HHAT: variants seen among roughly 807,000 people sequenced by gnomAD.
HHAT encodes the protein hedgehog acyltransferase.
A neutral mutation model predicts 70.8 loss-of-function variants in HHAT; 47 were observed. The observed-to-expected ratio is 0.66, with a 90% CI of 0.53 to 0.85. The LOEUF (loss-of-function observed/expected upper bound fraction) is 0.85, where lower values mean the gene tolerates loss of function less well. Ranked by LOEUF, HHAT falls within the 40% of genes least tolerant of loss-of-function variation. The pLI is 0.00. For synonymous variants in HHAT, 228 were observed against 247.6 expected (o/e 0.92, Z 0.74); for missense variants, 609 against 604.8 (o/e 1.01, Z -0.07).
chr1:210,392,565 A>C (rs759134547), intron 4 of HHAT, among the ~76,000 whole-genome samples: 20 of 152,196 alleles, frequency 1.3e-4, no homozygotes, highest in Non-Finnish European at 2.8e-4. Flanking sequence ...ATAACTGACA[A>C]GTAACCTAAA....
intron 8 of HHAT, among the ~76,000 whole-genome samples, chr1:210,477,967 AT>A (rs2094331166): frequency 6.6e-6 from 1 of 152,188 alleles, no homozygotes; most frequent in Non-Finnish European, 1.5e-5. Context: ...GGTAGCAGTA[AT>A]TGTCATAGCA....
At chr1:210,585,602 C>T (rs1048949085) in intron 9 of HHAT, among the ~76,000 whole-genome samples, 6 of 152,042 alleles carry the variant, frequency 3.9e-5, no homozygotes, top group East Asian at 1.9e-4. Flanking sequence ...TATTTTTGGT[C>T]GAGACAGGGT....
chr1:210,547,700 A>C (rs180721538), intron 9 of HHAT, among the ~76,000 whole-genome samples: 16 of 152,326 alleles, frequency 1.1e-4, no homozygotes, highest in African/African-American at 3.6e-4. Flanking sequence ...TGAAAATCTC[A>C]TTTCTTCCAA....
intron 9 of HHAT, among the ~76,000 whole-genome samples, chr1:210,525,432 C>T (rs1399228795): frequency 6.6e-6 from 1 of 152,160 alleles, no homozygotes; most frequent in East Asian, 1.9e-4. Context: ...GAGTCCTTTG[C>T]TTATGTTCAC....
chr1:210,330,754 A>C lies in HHAT; in HGVS notation c.-44+1650A>C, dbSNP rs2147896613. On this transcript the variant is annotated intron_variant, in intron 1 of 11. Transcript: ENST00000261458. Reference sequence around the variant, plus strand: ...GGCACCAAGGACCGGTTTCATGGACAATAAGTTTTTCATGGACTGGGGGAA... The same window carrying C: ...GGCACCAAGGACCGGTTTCATGGACCATAAGTTTTTCATGGACTGGGGGAA... Among the ~76,000 whole-genome samples, 2 of 152,328 alleles carry C rather than the reference A, an allele frequency of 1.3e-5. 1 individual carries two copies. The highest frequency in any genetic ancestry group is 4.1e-4 in the South Asian group (2 of 4,824).
rs945371300 is a variant in HHAT, at chr1:210,486,810, A to G, written c.1007+22155A>G. Among the ~76,000 whole-genome samples, 9 of 152,130 alleles carry G rather than the reference A, an allele frequency of 5.9e-5. No individual in the cohort carries two copies. In the South Asian group the frequency reaches 8.3e-4, roughly 14 times the overall value. On this transcript the variant is annotated intron_variant, in intron 8 of 11. Coordinates refer to ENST00000261458, the MANE Select transcript of HHAT (RefSeq NM_018194.6). ...AATCAAGCCTCTTGATTATCTTCCT[A>G]TTGGCTTGAGCAATGGGCAGGTAAG...
At chr1:210,556,200 C>T (rs566388935) in intron 9 of HHAT, among the ~76,000 whole-genome samples, 2 of 152,092 alleles carry the variant, frequency 1.3e-5, no homozygotes, top group African/African-American at 2.4e-5. Context: ...TTCCAGCCTC[C>T]TCCCATATTG....
intron 9 of HHAT, among the ~76,000 whole-genome samples, chr1:210,566,010 A>C (rs1654642074): frequency 6.6e-6 from 1 of 152,148 alleles, no homozygotes; most frequent in South Asian, 2.1e-4. Flanking sequence ...TCGTGCTGTC[A>C]TCAGGAGTTT....
intron 10 of HHAT, among the ~76,000 whole-genome samples, chr1:210,608,554 G>C (rs538975805): frequency 3.6e-4 from 55 of 152,158 alleles, no homozygotes; most frequent in African/African-American, 1.3e-3. Flanking sequence ...TGACTCTTCT[G>C]TCTGAATCTT....
chr1:210,404,732 T>A (rs990139995), intron 6 of HHAT, 53 bp downstream of exon 6: 8 of 1,453,960 alleles, frequency 5.5e-6, no homozygotes, highest in Non-Finnish European at 7.7e-6. Context: ...CCTTTGTCGC[T>A]GTTGCTCTGG....
rs564859411 is a variant in HHAT, at chr1:210,533,253, C to T, written c.1043+20065C>T. Among the ~76,000 whole-genome samples, 7 of 151,654 alleles carry T rather than the reference C, an allele frequency of 4.6e-5. 1 individual carries two copies. The South Asian group carries it at 1.5e-3, about 32-fold the overall frequency. On this transcript the variant is annotated intron_variant, in intron 9 of 11. Coordinates refer to ENST00000261458, the MANE Select transcript of HHAT (RefSeq NM_018194.6). The stretch of plus-strand genomic sequence containing the variant: ...GGTGAATGGCACAGAAAAGCTGGCT[C>T]GTTTGTTGGTAGCTCTGCTGTTTTA...
At chr1:210,650,592 T>C (rs1018859525) in intron 11 of HHAT, among the ~76,000 whole-genome samples, 3 of 152,246 alleles carry the variant, frequency 2.0e-5, no homozygotes, top group Non-Finnish European at 4.4e-5. Context: ...TGTTTGCAGC[T>C]TTGGAATTTA....
At chr1:210,491,754 G>C (rs1300875220) in intron 8 of HHAT, among the ~76,000 whole-genome samples, 1 of 151,958 alleles carries the variant, frequency 6.6e-6, no homozygotes, top group Non-Finnish European at 1.5e-5. Context: ...TTCTTTGTCT[G>C]TATTTAGCTT....
intron 11 of HHAT, among the ~76,000 whole-genome samples, chr1:210,628,130 G>A (rs1259340369): frequency 6.6e-6 from 1 of 152,132 alleles, no homozygotes; most frequent in Non-Finnish European, 1.5e-5. Context: ...TGTGACCTAA[G>A]CATCTTGGCA....
chr1:210,412,520 G>A (rs2092592862), intron 6 of HHAT, among the ~76,000 whole-genome samples: 1 of 152,168 alleles, frequency 6.6e-6, no homozygotes, highest in Non-Finnish European at 1.5e-5. Flanking sequence ...GCATAGGATG[G>A]ACACTCCAAT....
chr1:210,459,968 G>T (rs771213652), intron 7 of HHAT, among the ~76,000 whole-genome samples: 2 of 152,168 alleles, frequency 1.3e-5, no homozygotes, highest in Non-Finnish European at 2.9e-5. Context: ...TGTCCAAGAG[G>T]TTTTCTCACA....
intron 1 of HHAT, 26 bp from the exon 2 acceptor site, chr1:210,348,907 C>T: frequency 6.3e-7 from 1 of 1,592,306 alleles, no homozygotes; most frequent in Admixed American, 1.8e-5. Flanking sequence ...ATGTTCATGG[C>T]TTAAAGTTTT....
chr1:210,536,742 T>C lies in HHAT; in HGVS notation c.1043+23554T>C, dbSNP rs114157259. On this transcript the variant is annotated intron_variant, in intron 9 of 11. Coordinates refer to ENST00000261458, the MANE Select transcript of HHAT (RefSeq NM_018194.6). ...TCCCCCATGGGGCTTCTGTTTGAGT[T>C]GGACCTTTGCCATACAGCAGGATTT... is the stretch of plus-strand genomic sequence containing the variant. Among the ~76,000 whole-genome samples, 295 of 152,334 alleles carry C rather than the reference T, an allele frequency of 1.9e-3. 2 individuals carry two copies. Among genetic ancestry groups the C allele is most frequent in the African/African-American group, 6.7e-3 (280 of 41,582 alleles).
At chr1:210,595,211 C>T (rs1006970557) in intron 10 of HHAT, among the ~76,000 whole-genome samples, 7 of 151,932 alleles carry the variant, frequency 4.6e-5, no homozygotes, top group Non-Finnish European at 7.4e-5. Context: ...TGAGAACAAG[C>T]GGTGTGTGGT....
Sources: allele counts gnomAD v4.1 joint callset (sites outside exome capture counted in the v4.1 genomes callset), GRCh38; gene constraint gnomAD v4.1.1; transcripts MANE v1.5; gene names NCBI Gene and HGNC (gene_info 2026-07-23, HGNC 2026-07-21).